The following SLC22A9 variants were observed in gnomAD, a reference collection of about 807,000 sequenced individuals.
The protein encoded by SLC22A9 is solute carrier family 22 member 9.
SLC22A9 carries 64 observed loss-of-function variants against 50.1 expected under a neutral mutation model. The observed-to-expected ratio is 1.28, with a 90% CI of 1.04 to 1.57. The LOEUF (loss-of-function observed/expected upper bound fraction) is 1.57. Among genes scored for constraint, SLC22A9 ranks in the 40% most tolerant of loss-of-function variants. SLC22A9 has a pLI of 0.00. For synonymous variants in SLC22A9, 261 were observed against 242.5 expected (o/e 1.08, Z -0.71); for missense variants, 757 against 676.1 (o/e 1.12, Z -1.33).
intron 4 of SLC22A9, among the ~76,000 whole-genome samples, chr11:63,374,830 ACTAT>A (rs760758544): frequency 7.9e-5 from 12 of 152,122 alleles, no homozygotes; most frequent in Non-Finnish European, 1.3e-4. Flanking sequence ...TACTTTCATA[ACTAT>A]CTAAAGAAAG....
chr11:63,408,955 T>G, intron 9 of SLC22A9, 76 bp downstream of exon 9: 5 of 1,455,090 alleles, frequency 3.4e-6, no homozygotes, highest in Non-Finnish European at 4.8e-6. Context: ...AAATACCATT[T>G]AGGGCCACTG....
At chr11:63,383,285 G>A (rs929670520) in intron 6 of SLC22A9, among the ~76,000 whole-genome samples, 2 of 152,086 alleles carry the variant, frequency 1.3e-5, no homozygotes, top group Non-Finnish European at 2.9e-5. Flanking sequence ...GATGCCAATG[G>A]GACTCCAGAT....
chr11:63,373,818 C>G lies in SLC22A9; in HGVS notation c.661+20C>G. Reference sequence around the variant, plus strand: ...TGTTAAGTAAGCCAACACTTTGGATCCACATTTTCCAAACTGTGACTTTGA... The same window carrying G: ...TGTTAAGTAAGCCAACACTTTGGATGCACATTTTCCAAACTGTGACTTTGA... On this transcript the variant is annotated intron_variant, in intron 3 of 9. Coordinates refer to ENST00000279178, the MANE Select transcript of SLC22A9 (RefSeq NM_080866.3). 6.2e-7 allele frequency: 1 copy of G among 1,603,904 alleles called. No homozygotes were observed. The highest frequency in any genetic ancestry group is 2.2e-5 in the East Asian group (1 of 44,756).
At chr11:63,406,735 G>T in intron 7 of SLC22A9, 24 bp downstream of exon 7, 1 of 1,609,020 alleles carries the variant, frequency 6.2e-7, no homozygotes. Flanking sequence ...ACAGGTGGAA[G>T]AGAGAAATGC....
Position 63,369,847 on chromosome 11 carries a change from A to G in SLC22A9, c.-210A>G, listed in dbSNP as rs1424889883. The G allele has an allele frequency of 4.0e-6, 2 of 505,862 alleles. No individual in the cohort carries two copies. The highest frequency in any genetic ancestry group is 3.1e-5 in the East Asian group (1 of 31,896). 31.3% of individuals were successfully genotyped at this position (505,862 alleles called of 1,614,324 possible). ...CAAATTATTTCTTACGTGACTTTAG[A>G]GAAAACGGCTACCTATCTGACCCCA... is the stretch of plus-strand genomic sequence containing the variant. On this transcript the variant is annotated 5_prime_UTR_variant, in exon 1 of 10. Transcript: ENST00000279178.
rs555973046 is a variant in SLC22A9, at chr11:63,393,739, T to C, written c.1073+11462T>C. Among the ~76,000 whole-genome samples the C allele has an allele frequency of 2.6e-5, 4 of 152,278 alleles. No individual in the cohort carries two copies. The East Asian group carries it at 7.7e-4, about 29-fold the overall frequency. On this transcript the variant is annotated intron_variant, in intron 6 of 9. Transcript: ENST00000279178. Reference sequence around the variant, plus strand: ...CTGGCTGCCCTTAACATTTTTTCCTTCATTTCAACCTTGGTGAATATGATG... The same window carrying C: ...CTGGCTGCCCTTAACATTTTTTCCTCCATTTCAACCTTGGTGAATATGATG...
At position 63,375,654 on chromosome 11, in the gene SLC22A9, A is replaced by G. The variant is rs781663998; in HGVS notation, c.840A>G (p.Leu280=). The part of the protein sequence containing the change: ...FVIFLTSSWL[L]ESARWLIINN... ...TCTCTTCCTTGGTCAGTTGGCTGCT[A>G]GAGTCTGCTCGGTGGCTCATTATCA... Residue 280 remains leucine (L), a synonymous_variant, in exon 5 of 10, where the codon CTA becomes CTG. Transcript: ENST00000279178. 12 of 1,612,176 alleles carry G rather than the reference A, an allele frequency of 7.4e-6. No individual in the cohort carries two copies. The highest frequency in any genetic ancestry group is 6.7e-5 in the Admixed American group (4 of 59,822).
intron 6 of SLC22A9, among the ~76,000 whole-genome samples, chr11:63,399,499 A>G (rs1367131854): frequency 6.6e-6 from 1 of 152,200 alleles, no homozygotes; most frequent in Admixed American, 6.5e-5. Flanking sequence ...GTAAGAAGAT[A>G]TAAAAACTGC....
Position 63,370,308 on chromosome 11 carries a change from G to A in SLC22A9, c.252G>A (p.Arg84=), listed in dbSNP as rs370688569. 188 of 1,613,878 alleles carry A rather than the reference G, an allele frequency of 1.2e-4. No individual in the cohort carries two copies. The highest frequency in any genetic ancestry group is 1.5e-4 in the Non-Finnish European group (174 of 1,179,914). ...CCATCCCACTGGACTCAAACATGAG[G>A]CCAGAGAAGTGTCGTCGCTTTGTTC... ...RISIPLDSNM[R]PEKCRRFVHP... The change falls in exon 1 of 10, where the codon AGG becomes AGA. Residue 84 remains arginine, a synonymous_variant. Transcript: ENST00000279178.
In SLC22A9 at chr11:63,382,222, G is replaced by T; in HGVS notation, c.1018G>T (p.Glu340Ter). Residue 340 changes from glutamate to a stop codon, truncating the protein, a stop_gained, in exon 6 of 10, where the codon GAA (glutamate) becomes TAA (stop). Coordinates refer to ENST00000279178, the MANE Select transcript of SLC22A9 (RefSeq NM_080866.3). LOFTEE classifies it high-confidence loss of function. ...AAQKKKPSLCEMLHMPNICKR... is the reference protein window; with the variant it reads ...AAQKKKPSLC ...ACAAAAAAAAAAACCTTCTCTGTGT[G>T]AAATGCTCCACATGCCCAACATATG... is the stretch of plus-strand genomic sequence containing the variant. The T allele has an allele frequency of 6.2e-7, 1 of 1,609,354 alleles. No individual in the cohort carries two copies. The highest frequency in any genetic ancestry group is 8.5e-7 in the Non-Finnish European group (1 of 1,178,552).
At chr11:63,379,937 G>A (rs1256647892) in intron 5 of SLC22A9, among the ~76,000 whole-genome samples, 16 of 151,998 alleles carry the variant, frequency 1.1e-4, no homozygotes, top group Non-Finnish European at 8.8e-5. Flanking sequence ...TCACCATGTT[G>A]GCCAGGCTGG....
At position 63,406,668 on chromosome 11, in the gene SLC22A9, C is replaced by A; in HGVS notation, c.1245C>A (p.Phe415Leu). The A allele has an allele frequency of 6.2e-7, 1 of 1,613,650 alleles. No individual in the cohort carries two copies. The highest frequency in any genetic ancestry group is 8.5e-7 in the Non-Finnish European group (1 of 1,179,792). ...GAGCAAGCCAGATGCTTCTCATGTT[C>A]CTACTGGCAATCTGCCTTCTGGCCA... is the stretch of plus-strand genomic sequence containing the variant. The part of the protein sequence containing the change: ...NRRASQMLLM[F>L]LLAICLLAII... Residue 415 changes from phenylalanine to leucine, a missense_variant, in exon 7 of 10, where the codon TTC (phenylalanine) becomes TTA (leucine). Coordinates refer to ENST00000279178, the MANE Select transcript of SLC22A9 (RefSeq NM_080866.3).
intron 5 of SLC22A9, among the ~76,000 whole-genome samples, chr11:63,376,804 G>A (rs2014468262): frequency 6.6e-6 from 1 of 151,044 alleles, no homozygotes; most frequent in African/African-American, 2.4e-5. Context: ...GACTTCCAGA[G>A]ACACTCACAT....
intron 6 of SLC22A9, among the ~76,000 whole-genome samples, chr11:63,402,769 C>T (rs191962773): frequency 6.6e-4 from 101 of 152,148 alleles, no homozygotes; most frequent in Non-Finnish European, 1.1e-3. Flanking sequence ...TTAAATCTTG[C>T]ACTTCTAGCC....
intron 2 of SLC22A9, among the ~76,000 whole-genome samples, chr11:63,372,118 A>T (rs756291078): frequency 2.0e-5 from 3 of 152,174 alleles, no homozygotes; most frequent in African/African-American, 4.8e-5. Flanking sequence ...AATAGATCAC[A>T]GGGTGGTAAA....
At chr11:63,376,574 GA>G (rs1249656997) in intron 5 of SLC22A9, among the ~76,000 whole-genome samples, 2 of 151,720 alleles carry the variant, frequency 1.3e-5, no homozygotes, top group African/African-American at 4.8e-5. Flanking sequence ...TCAATGGACA[GA>G]TTTAAATCCA....
intron 6 of SLC22A9, among the ~76,000 whole-genome samples, chr11:63,404,643 G>A (rs1378910218): frequency 6.6e-6 from 1 of 152,132 alleles, no homozygotes; most frequent in African/African-American, 2.4e-5. Flanking sequence ...TGGATGTAGG[G>A]GTTTACAGTG....
At chr11:63,398,414 T>C (rs1270245815) in intron 6 of SLC22A9, among the ~76,000 whole-genome samples, 1 of 152,146 alleles carries the variant, frequency 6.6e-6, no homozygotes, top group African/African-American at 2.4e-5. Flanking sequence ...TAGCAGTCCT[T>C]GTAGCCAAGA....
At chr11:63,373,123 CTT>C in intron 2 of SLC22A9, among the ~76,000 whole-genome samples, 1 of 131,896 alleles carries the variant, frequency 7.6e-6, no homozygotes. Flanking sequence ...CTTTTTTTTC[CTT>C]TTTTTTTTTC....
Sources: gnomAD v4.1 joint callset for allele counts (sites outside exome capture counted in the v4.1 genomes callset) on GRCh38, gnomAD v4.1.1 for gene constraint, MANE v1.5 for transcripts, NCBI Gene and HGNC (gene_info 2026-07-23, HGNC 2026-07-21) for gene names.